The following MAF variants were observed in gnomAD, a reference collection of about 807,000 sequenced individuals.
The protein encoded by MAF is transcription factor Maf.
A neutral mutation model predicts 22.0 loss-of-function variants in MAF; 10 were observed. The ratio of observed to expected loss-of-function variants is 0.45; its 90% CI spans 0.28 to 0.77. MAF has a LOEUF of 0.77. MAF is among the 30% of genes least tolerant of loss of function. The probability of loss-of-function intolerance (pLI) is 0.12; values close to 1 mark genes in which losing one functional copy is unlikely to be tolerated. For missense variants in MAF, 544 were observed against 548.4 expected (o/e 0.99, Z 0.08); for synonymous variants, 337 against 255.8 (o/e 1.32, Z -3.03).
intron 1 of MAF, chr16:79,596,278 T>C: frequency 9.4e-7 from 1 of 1,060,122 alleles, no homozygotes. Flanking sequence ...AATGAGGTCA[T>C]AATTTACATC....
At chr16:79,229,435 G>A in the MAF span, 1 of 152,126 alleles carries the variant, frequency 6.6e-6, no homozygotes, top group Admixed American at 6.6e-5. Flanking sequence ...TTCAGATAGA[G>A]CTGCCTTTCC....
the MAF span, among the ~76,000 whole-genome samples, chr16:79,497,019 AG>A: frequency 6.6e-6 from 1 of 152,166 alleles, no homozygotes; most frequent in Non-Finnish European, 1.5e-5. Flanking sequence ...ATCAAATAAA[AG>A]CTTCTGAATA....
the MAF span, among the ~76,000 whole-genome samples, chr16:79,433,632 C>T: frequency 6.6e-6 from 1 of 151,990 alleles, no homozygotes; most frequent in African/African-American, 2.4e-5. Context: ...TAGAAAAGCT[C>T]ATACTATGTG....
chr16:79,417,389 G>T, the MAF span, among the ~76,000 whole-genome samples: 1 of 152,160 alleles, frequency 6.6e-6, no homozygotes, highest in African/African-American at 2.4e-5. Context: ...AGAACTCCTG[G>T]CAGTATCTAT....
At chr16:79,510,556 C>T in the MAF span, among the ~76,000 whole-genome samples, 1 of 152,074 alleles carries the variant, frequency 6.6e-6, no homozygotes, top group African/African-American at 2.4e-5. Flanking sequence ...TTCCATTGCA[C>T]ACACTTTTAA....
the MAF span, chr16:79,516,328 G>A: frequency 1.3e-5 from 2 of 152,196 alleles, no homozygotes; most frequent in African/African-American, 4.8e-5. Flanking sequence ...TTCTAAGGAT[G>A]CCTAGAAGGA....
the MAF span, among the ~76,000 whole-genome samples, chr16:79,359,467 G>C: frequency 3.2e-4 from 49 of 152,270 alleles, no homozygotes; most frequent in African/African-American, 1.2e-3. Flanking sequence ...CCTCAAAGTT[G>C]ATCAGATCAT....
At chr16:79,392,779 C>T in the MAF span, among the ~76,000 whole-genome samples, 1 of 152,198 alleles carries the variant, frequency 6.6e-6, no homozygotes, top group Non-Finnish European at 1.5e-5. Context: ...GCTATCCCCA[C>T]AGCTTCCCTA....
chr16:79,578,280 T>C, the MAF span, among the ~76,000 whole-genome samples: 1 of 152,108 alleles, frequency 6.6e-6, no homozygotes, highest in Non-Finnish European at 1.5e-5. Context: ...TGGTATGCTT[T>C]GGGGTGAGTT....
chr16:79,344,090 A>G, the MAF span, among the ~76,000 whole-genome samples: 2 of 152,230 alleles, frequency 1.3e-5, no homozygotes, highest in East Asian at 3.8e-4. Context: ...GAGCTGATCC[A>G]AGGAATTTCC....
At chr16:79,590,356 G>A (rs1003590973), downstream of MAF, among the ~76,000 whole-genome samples, 21 of 152,168 alleles carry the variant, frequency 1.4e-4, no homozygotes, top group Non-Finnish European at 2.6e-4. Flanking sequence ...AAAGATTCCA[G>A]CTGAGCTTCC....
chr16:79,502,712 T>TAAATATAAATATAA, the MAF span, among the ~76,000 whole-genome samples: 16 of 31,116 alleles, frequency 5.1e-4, 2 homozygotes, highest in Middle Eastern at 0.017. Context: ...AATATAAATA[T>TAAATATAAATATAA]ATATATATAT....
the MAF span, among the ~76,000 whole-genome samples, chr16:79,451,597 A>T: frequency 6.6e-6 from 1 of 152,244 alleles, no homozygotes; most frequent in African/African-American, 2.4e-5. Context: ...AATGAGTTAC[A>T]TGTTCAGGAT....
At chr16:79,261,449 G>A in the MAF span, among the ~76,000 whole-genome samples, 4 of 152,204 alleles carry the variant, frequency 2.6e-5, no homozygotes, top group Admixed American at 2.0e-4. Context: ...CACCACGCCT[G>A]GCTGGTCTTC....
chr16:79,246,565 A>C, the MAF span, among the ~76,000 whole-genome samples: 1 of 148,230 alleles, frequency 6.7e-6, no homozygotes, highest in African/African-American at 2.5e-5. Context: ...GGTGTATTTA[A>C]ATATACTTTT....
the MAF span, among the ~76,000 whole-genome samples, chr16:79,415,867 C>G: frequency 6.6e-6 from 1 of 152,018 alleles, no homozygotes; most frequent in East Asian, 1.9e-4. Context: ...CTTGACAAAT[C>G]TCAGCTTCCC....
the MAF span, among the ~76,000 whole-genome samples, chr16:79,570,079 C>A: frequency 6.9e-6 from 1 of 145,950 alleles, no homozygotes; most frequent in African/African-American, 2.5e-5. Flanking sequence ...TGTTTGGAAG[C>A]TATTTATTTA....
the MAF span, among the ~76,000 whole-genome samples, chr16:79,214,371 G>C: frequency 6.6e-6 from 1 of 152,084 alleles, no homozygotes; most frequent in African/African-American, 2.4e-5. Context: ...TTTATGTTCA[G>C]GAAAATAATT....
At chr16:79,275,777 G>A in the MAF span, among the ~76,000 whole-genome samples, 5 of 152,208 alleles carry the variant, frequency 3.3e-5, no homozygotes, top group African/African-American at 1.2e-4. Flanking sequence ...GAGAACCATA[G>A]TGAAGTATCT....
Sources: gnomAD v4.1 joint callset for allele counts (sites outside exome capture counted in the v4.1 genomes callset) on GRCh38, gnomAD v4.1.1 for gene constraint, MANE v1.5 for transcripts, NCBI Gene and HGNC (gene_info 2026-07-23, HGNC 2026-07-21) for gene names.